The following CSMD3 variants were observed in gnomAD, a reference collection of about 807,000 sequenced individuals.
CSMD3 encodes CUB and sushi domain-containing protein 3.
CSMD3 carries 177 observed loss-of-function variants against 435.2 expected under a neutral mutation model. That is an observed-to-expected ratio of 0.41 (90% CI 0.36 to 0.46). CSMD3 has a LOEUF of 0.46. Ranked by LOEUF, CSMD3 falls within the 20% of genes least tolerant of loss-of-function variation. CSMD3 has a pLI of 0.34. For synonymous variants in CSMD3, 1,656 were observed against 1,520.5 expected (o/e 1.09, Z -2.07); for missense variants, 4,265 against 4,504.6 (o/e 0.95, Z 1.52).
intron 10 of CSMD3, among the ~76,000 whole-genome samples, chr8:112,919,345 G>A (rs542954045): frequency 7.3e-5 from 11 of 150,912 alleles, no homozygotes; most frequent in Middle Eastern, 3.4e-3. Flanking sequence ...TGTGCCATGG[G>A]GTTTATAAAA....
chr8:112,476,520 T>C (rs1419288078), intron 31 of CSMD3, among the ~76,000 whole-genome samples: 1 of 152,130 alleles, frequency 6.6e-6, no homozygotes. Context: ...TTTTTACATG[T>C]AATATCTCAC....
rs1816674506 is a variant in CSMD3 at position 112,263,803 on chromosome 8, C to T, written c.9698G>A (p.Cys3233Tyr). 1 of 1,613,584 alleles carries T rather than the reference C, an allele frequency of 6.2e-7. No individual in the cohort carries two copies. Among genetic ancestry groups the T allele is most frequent in the Non-Finnish European group, 8.5e-7 (1 of 1,179,642 alleles). ...ATTAGAGATCTGGGGAGGAGTTGGG[C>T]AGGTAACAGCTGCAATTACATTAAA... is the stretch of plus-strand genomic sequence containing the variant. ...GVMPTCRAVT[C>Y]PTPPQISNGR... is the part of the protein sequence containing the mutation. Residue 3233 changes from cysteine to tyrosine, a missense_variant, in exon 61 of 71, where the codon TGC becomes TAC. By Grantham distance (194) the Cys-to-Tyr change is radical. This residue lies in a region of CSMD3 where 3,255 missense variants were observed against 3,380.2 expected (regional missense o/e 0.96). Coordinates refer to ENST00000297405, the MANE Select transcript of CSMD3 (RefSeq NM_198123.2).
intron 13 of CSMD3, among the ~76,000 whole-genome samples, chr8:112,721,536 G>A (rs552822359): frequency 1.3e-5 from 2 of 152,138 alleles, no homozygotes; most frequent in South Asian, 2.1e-4. Context: ...AGATCCTGCC[G>A]CTGCACTCCA....
chr8:112,878,572 AC>A (rs1460824609), intron 10 of CSMD3, among the ~76,000 whole-genome samples: 1 of 152,170 alleles, frequency 6.6e-6, no homozygotes, highest in Admixed American at 6.5e-5. Flanking sequence ...CTGGGTATAT[AC>A]CCAAGGGATT....
chr8:113,189,093 A>G (rs2092549274), intron 3 of CSMD3, among the ~76,000 whole-genome samples: 1 of 151,802 alleles, frequency 6.6e-6, no homozygotes. Flanking sequence ...AGGTTTCCCA[A>G]CGAAGCAGTT....
intron 5 of CSMD3, among the ~76,000 whole-genome samples, chr8:113,083,522 T>C (rs1383296): frequency 0.67 from 102,036 of 151,820 alleles, 35,906 homozygotes; most frequent in East Asian, 0.95. Flanking sequence ...GGGAGTCTTA[T>C]ATCTGGAAGT....
intron 1 of CSMD3, among the ~76,000 whole-genome samples, chr8:113,347,049 G>A (rs2094156375): frequency 1.3e-5 from 2 of 151,962 alleles, no homozygotes; most frequent in Admixed American, 1.3e-4. Context: ...ATCCAGAAGT[G>A]TCTAACAGTC....
chr8:112,899,633 G>A lies in CSMD3; in HGVS notation c.1633+21994C>T, dbSNP rs915412882. On this transcript the variant is annotated intron_variant, in intron 10 of 70. Transcript: ENST00000297405. ...TATATATATATATATATATATATAT[G>A]TATATACATATATGTGTACGCAAAT... Among the ~76,000 whole-genome samples, 308 of 46,928 alleles carry A rather than the reference G, an allele frequency of 6.6e-3. 1 individual carries two copies. The highest frequency in any genetic ancestry group is 0.014 in the African/African-American group (199 of 14,708). The allele number at this position is 46,928 out of a possible 152,430, so 30.8% of individuals were successfully genotyped here.
At chr8:113,044,510 TA>T (rs2087751416) in intron 5 of CSMD3, among the ~76,000 whole-genome samples, 1 of 149,218 alleles carries the variant, frequency 6.7e-6, no homozygotes, top group African/African-American at 2.4e-5. Flanking sequence ...AGAGCAGATA[TA>T]ATCATACAAT....
At chr8:112,754,746 T>G (rs2077651016) in intron 13 of CSMD3, among the ~76,000 whole-genome samples, 1 of 152,114 alleles carries the variant, frequency 6.6e-6, no homozygotes, top group South Asian at 2.1e-4. Flanking sequence ...CTCTGAAATA[T>G]CTGTCATTTG....
At chr8:112,474,788 C>A (rs376876780) in intron 31 of CSMD3, among the ~76,000 whole-genome samples, 16 of 152,280 alleles carry the variant, frequency 1.1e-4, no homozygotes, top group African/African-American at 3.4e-4. Flanking sequence ...ACACACAACA[C>A]AAACAGTACG....
intron 36 of CSMD3, among the ~76,000 whole-genome samples, chr8:112,389,672 G>A (rs1830254265): frequency 6.6e-6 from 1 of 151,906 alleles, no homozygotes; most frequent in Non-Finnish European, 1.5e-5. Context: ...TTAATGCATG[G>A]CATCTTGGCT....
intron 38 of CSMD3, among the ~76,000 whole-genome samples, chr8:112,363,825 A>T (rs993409952): frequency 6.6e-6 from 1 of 152,036 alleles, no homozygotes; most frequent in Non-Finnish European, 1.5e-5. Flanking sequence ...CATGCAATGT[A>T]TTCTGAGTTA....
At chr8:113,421,574 G>A (rs1052999665) in intron 1 of CSMD3, among the ~76,000 whole-genome samples, 5 of 152,020 alleles carry the variant, frequency 3.3e-5, no homozygotes, top group Non-Finnish European at 4.4e-5. Flanking sequence ...CTCAGAAAAC[G>A]ATACCCTGAA....
At chr8:113,226,412 A>G (rs1280630979) in intron 3 of CSMD3, among the ~76,000 whole-genome samples, 2 of 151,614 alleles carry the variant, frequency 1.3e-5, no homozygotes, top group Admixed American at 1.3e-4. Flanking sequence ...TTATATAGAT[A>G]TACTGCAATC....
intron 3 of CSMD3, among the ~76,000 whole-genome samples, chr8:113,174,680 A>AT (rs373174991): frequency 6.6e-6 from 1 of 151,896 alleles, no homozygotes; most frequent in Non-Finnish European, 1.5e-5. Flanking sequence ...AAATGAAAAA[A>AT]TTTTTTTGAA....
At chr8:112,661,095 A>G (rs1159400895) in intron 17 of CSMD3, among the ~76,000 whole-genome samples, 3 of 152,166 alleles carry the variant, frequency 2.0e-5, no homozygotes, top group African/African-American at 7.2e-5. Flanking sequence ...TTTCAATTAG[A>G]CTTTCTTACT....
At chr8:112,551,147 G>C (rs191419968) in intron 26 of CSMD3, among the ~76,000 whole-genome samples, 1 of 151,946 alleles carries the variant, frequency 6.6e-6, no homozygotes, top group South Asian at 2.1e-4. Flanking sequence ...TTTAACTAGG[G>C]CAACAGCAGG....
chr8:113,087,591 A>G (rs546914994), intron 5 of CSMD3, among the ~76,000 whole-genome samples: 59 of 152,234 alleles, frequency 3.9e-4, no homozygotes, highest in African/African-American at 1.4e-3. Flanking sequence ...AAACCTGACA[A>G]AAACAAGAAA....
Sources: allele counts gnomAD v4.1 joint callset (sites outside exome capture counted in the v4.1 genomes callset), GRCh38; gene constraint gnomAD v4.1.1; regional missense constraint gnomAD v4.1.1; transcripts MANE v1.5; gene names NCBI Gene and HGNC (gene_info 2026-07-23, HGNC 2026-07-21).